The following TTC9C variants were observed in gnomAD, a reference collection of about 807,000 sequenced individuals.
The protein encoded by TTC9C is tetratricopeptide repeat protein 9C.
In TTC9C, 15 loss-of-function variants were observed where a neutral mutation model predicts 22.5. The ratio of observed to expected loss-of-function variants is 0.67; its 90% CI spans 0.45 to 1.03. The LOEUF is 1.03. TTC9C is among the 50% of genes least tolerant of loss of function. The pLI is 0.00. For missense variants in TTC9C, 244 were observed against 214.6 expected (o/e 1.14, Z -0.86); for synonymous variants, 92 against 86.8 (o/e 1.06, Z -0.33).
intron 2 of TTC9C, among the ~76,000 whole-genome samples, chr11:62,737,825 G>T (rs2083928930): frequency 6.6e-6 from 1 of 152,130 alleles, no homozygotes; most frequent in Non-Finnish European, 1.5e-5. Context: ...GAGGTCAGGA[G>T]TTCCAGACCA....
At chr11:62,733,693 T>G (rs2083878499) in intron 1 of TTC9C, among the ~76,000 whole-genome samples, 1 of 151,948 alleles carries the variant, frequency 6.6e-6, no homozygotes, top group African/African-American at 2.4e-5. Context: ...ATATCTAATT[T>G]TATATAAAAA....
intron 1 of TTC9C, among the ~76,000 whole-genome samples, chr11:62,734,380 A>G (rs978644608): frequency 6.6e-6 from 1 of 151,930 alleles, no homozygotes; most frequent in Non-Finnish European, 1.5e-5. Flanking sequence ...TGGACAGATC[A>G]CTTGAGGTCA....
intron 2 of TTC9C, among the ~76,000 whole-genome samples, chr11:62,737,513 G>C (rs1290799635): frequency 6.6e-6 from 1 of 152,156 alleles, no homozygotes; most frequent in Non-Finnish European, 1.5e-5. Flanking sequence ...GCTTACAATA[G>C]CCACTGGATA....
At chr11:62,738,246 T>C (rs372862941) in intron 2 of TTC9C, 42 bp from the exon 3 acceptor site, 8 of 1,295,402 alleles carry the variant, frequency 6.2e-6, no homozygotes, top group Middle Eastern at 1.8e-4. Flanking sequence ...TGGTCTTAAC[T>C]GACTCTAACT....
chr11:62,731,214 T>C (rs999519170), intron 1 of TTC9C, among the ~76,000 whole-genome samples: 23 of 150,390 alleles, frequency 1.5e-4, no homozygotes, highest in Admixed American at 1.3e-4. Context: ...ATACACTTAA[T>C]GTCCAAAGTA....
At chr11:62,730,619 G>A (rs2083837393) in intron 1 of TTC9C, among the ~76,000 whole-genome samples, 1 of 152,038 alleles carries the variant, frequency 6.6e-6, no homozygotes, top group Non-Finnish European at 1.5e-5. Context: ...TGTTGCCCAG[G>A]CTGGAGTGCA....
upstream of TTC9C, chr11:62,728,452 G>C (rs1050832230): frequency 7.2e-6 from 3 of 419,530 alleles, no homozygotes; most frequent in African/African-American, 7.3e-5. Flanking sequence ...CTTCCAGGTC[G>C]GGGGGGGGCG....
At chr11:62,733,577 AGTTT>A (rs1176588137) in intron 1 of TTC9C, among the ~76,000 whole-genome samples, 2 of 152,046 alleles carry the variant, frequency 1.3e-5, no homozygotes, top group Admixed American at 6.6e-5. Flanking sequence ...AATGAAGGTT[AGTTT>A]GTTTTTTAAA....
At chr11:62,734,713 G>T (rs561090453) in intron 1 of TTC9C, among the ~76,000 whole-genome samples, 1 of 152,262 alleles carries the variant, frequency 6.6e-6, no homozygotes, top group East Asian at 1.9e-4. Context: ...GAACTCCTGG[G>T]CTCAAGCAAA....
At position 62,728,845 on chromosome 11, in the gene TTC9C, A is replaced by T; in HGVS notation, c.-4A>T. 1 of 1,614,034 alleles carries T rather than the reference A, an allele frequency of 6.2e-7. No individual in the cohort carries two copies. Among genetic ancestry groups the T allele is most frequent in the Non-Finnish European group, 8.5e-7 (1 of 1,179,918 alleles). Reference sequence around the variant, plus strand: ...CAGTTCCGCAAGAACCGTGGGCGACAGTTATGGAGAAGCGTCTGCAGGAGG... The same window carrying T: ...CAGTTCCGCAAGAACCGTGGGCGACTGTTATGGAGAAGCGTCTGCAGGAGG... On this transcript the variant is annotated 5_prime_UTR_variant, in exon 1 of 3. Transcript: ENST00000316461.
chr11:62,728,837 T>G lies in TTC9C; in HGVS notation c.-12T>G. The G allele has an allele frequency of 6.2e-7, 1 of 1,613,846 alleles. No homozygotes were observed. Among genetic ancestry groups the G allele is most frequent in the Non-Finnish European group, 8.5e-7 (1 of 1,179,796 alleles). The stretch of plus-strand genomic sequence containing the variant: ...TCACTTCCCAGTTCCGCAAGAACCG[T>G]GGGCGACAGTTATGGAGAAGCGTCT... On this transcript the variant is annotated 5_prime_UTR_variant, in exon 1 of 3. Coordinates refer to ENST00000316461, the MANE Select transcript of TTC9C (RefSeq NM_173810.4).
intron 1 of TTC9C, among the ~76,000 whole-genome samples, chr11:62,735,045 C>T (rs761292431): frequency 6.6e-6 from 1 of 152,028 alleles, no homozygotes; most frequent in Admixed American, 6.6e-5. Flanking sequence ...TACAGGCATG[C>T]GCCACCACAC....
At chr11:62,729,678 C>A (rs1159840767) in intron 1 of TTC9C, among the ~76,000 whole-genome samples, 1 of 150,478 alleles carries the variant, frequency 6.6e-6, no homozygotes, top group African/African-American at 2.5e-5. Context: ...CGAGTTCAAG[C>A]GATTCTCCTG....
intron 1 of TTC9C, among the ~76,000 whole-genome samples, chr11:62,729,569 AT>A (rs1204345239): frequency 0.027 from 3,066 of 113,570 alleles, 61 homozygotes; most frequent in African/African-American, 0.085. Context: ...CGCCCAGCTA[AT>A]TTTTTTTTTT....
intron 1 of TTC9C, among the ~76,000 whole-genome samples, chr11:62,732,871 A>C (rs574907217): frequency 6.6e-6 from 1 of 151,588 alleles, no homozygotes; most frequent in African/African-American, 2.4e-5. Context: ...GCAGTCAGCC[A>C]AGATCGTACC....
intron 1 of TTC9C, among the ~76,000 whole-genome samples, chr11:62,729,295 AAC>A (rs1317278916): frequency 6.6e-6 from 1 of 152,120 alleles, no homozygotes; most frequent in Non-Finnish European, 1.5e-5. Flanking sequence ...AGTCTGTTAA[AAC>A]ACAACCTCCT....
Position 62,729,099 on chromosome 11 carries a change from C to A in TTC9C, c.238+13C>A. 6.2e-7 allele frequency: 1 copy of A among 1,608,366 alleles called. No homozygotes were observed. Among genetic ancestry groups the A allele is most frequent in the Non-Finnish European group, 8.5e-7 (1 of 1,175,260 alleles). On this transcript the variant is annotated intron_variant, in intron 1 of 2. Coordinates refer to ENST00000316461, the MANE Select transcript of TTC9C (RefSeq NM_173810.4). ...AACAATCTAGCTGGTAAGAACGGGG[C>A]TAAAGGGTGGCTAGAGAGCATTAAG...
chr11:62,732,374 C>A (rs1210174424), intron 1 of TTC9C, among the ~76,000 whole-genome samples: 1 of 151,882 alleles, frequency 6.6e-6, no homozygotes, highest in South Asian at 2.1e-4. Flanking sequence ...TTTGGGAGGC[C>A]GAGGTGGGCG....
chr11:62,735,107 T>A (rs1251310804), intron 1 of TTC9C, among the ~76,000 whole-genome samples: 6 of 152,096 alleles, frequency 3.9e-5, no homozygotes, highest in African/African-American at 7.2e-5. Flanking sequence ...GTTGTCAGGC[T>A]GATCTCGAAC....
Sources: allele counts gnomAD v4.1 joint callset (sites outside exome capture counted in the v4.1 genomes callset), GRCh38; gene constraint gnomAD v4.1.1; transcripts MANE v1.5; gene names NCBI Gene and HGNC (gene_info 2026-07-23, HGNC 2026-07-21).